Variants in AACS observed in about 807,000 individuals in gnomAD.
AACS encodes the protein acetoacetate-CoA ligase.
In AACS, 69 loss-of-function variants were observed where a neutral mutation model predicts 83.1. The observed-to-expected ratio is 0.83, with a 90% CI of 0.68 to 1.01. The LOEUF (loss-of-function observed/expected upper bound fraction) is 1.01, where lower values mean the gene tolerates loss of function less well. AACS is among the 50% of genes least tolerant of loss of function. AACS has a pLI of 0.00. For synonymous variants in AACS, 333 were observed against 343.4 expected, an observed-to-expected ratio of 0.97 and a Z score of 0.33; for missense variants, 866 against 882.2, an observed-to-expected ratio of 0.98 and a Z score of 0.23.
rs567757296 is a variant in AACS at position 125,132,900 on chromosome 12, C to T, written c.1550-1103C>T. On this transcript the variant is annotated intron_variant, in intron 14 of 17. Coordinates refer to ENST00000316519, the MANE Select transcript of AACS (RefSeq NM_023928.5). ...TTGAGTCATAAGCTGTTTGGGTTAG[C>T]TCTTGCCACAGAGTGGAGAAGTGCT... Among the ~76,000 whole-genome samples the T allele has an allele frequency of 1.2e-4, 19 of 152,282 alleles. 1 individual carries two copies. In the South Asian group the frequency reaches 3.7e-3, roughly 30 times the overall value.
Position 125,091,475 on chromosome 12 carries a change from A to C in AACS, c.522A>C (p.Ala174=), listed in dbSNP as rs1956484334. ...EHAVEAMLAA[A]SIGAIWSSTS... is the part of the protein sequence containing the mutation. The stretch of plus-strand genomic sequence containing the variant: ...CTGTCGAGGCGATGCTGGCTGCGGC[A>C]AGCATTGGTGCCATCTGGAGCTCCA... Residue 174 remains alanine, a synonymous_variant, in exon 5 of 18, where the codon GCA becomes GCC. Coordinates refer to ENST00000316519, the MANE Select transcript of AACS (RefSeq NM_023928.5). 3 of 1,614,124 alleles carry C rather than the reference A, an allele frequency of 1.9e-6. No individual in the cohort carries two copies. In the African/African-American group the frequency reaches 4.0e-5, roughly 22 times the overall value.
At chr12:125,076,649 G>A (rs1956032014) in intron 3 of AACS, 38 bp downstream of exon 3, 1 of 1,612,488 alleles carries the variant, frequency 6.2e-7, no homozygotes, top group African/African-American at 1.3e-5. Context: ...TTCCTCCGTG[G>A]AAGTTCTAGA....
intron 8 of AACS, among the ~76,000 whole-genome samples, chr12:125,110,073 G>A (rs1308827838): frequency 1.3e-5 from 2 of 151,428 alleles, no homozygotes; most frequent in Non-Finnish European, 2.9e-5. Flanking sequence ...GGGCTGGAGT[G>A]CAGTGGCTCA....
In AACS at chr12:125,134,858, T is replaced by C; in HGVS notation, c.1678+6T>C. On this transcript the variant is annotated splice_donor_region_variant and intron_variant, in intron 16 of 17. Coordinates refer to ENST00000316519, the MANE Select transcript of AACS (RefSeq NM_023928.5). ...CTCGGAAATCTATAACATTGGTACG[T>C]GCTTCCCCTCCCTGAGCGTTCTCCA... 6.2e-7 allele frequency: 1 copy of C among 1,614,072 alleles called. No individual in the cohort carries two copies. Among genetic ancestry groups the C allele is most frequent in the Non-Finnish European group, 8.5e-7 (1 of 1,179,984 alleles).
intron 6 of AACS, 74 bp downstream of exon 6, chr12:125,102,867 A>G: frequency 6.7e-7 from 1 of 1,484,202 alleles, no homozygotes; most frequent in Non-Finnish European, 9.4e-7. Context: ...GCCAGGAGTC[A>G]ATCTGGGTAG....
chr12:125,122,122 G>A (rs989908146), intron 10 of AACS: 2 of 152,424 alleles, frequency 1.3e-5, no homozygotes, highest in African/African-American at 4.8e-5. Flanking sequence ...TCAGGCAGAG[G>A]GAACCACGAG....
At chr12:125,070,169 G>C (rs546550613) in intron 1 of AACS, among the ~76,000 whole-genome samples, 1 of 152,260 alleles carries the variant, frequency 6.6e-6, no homozygotes, top group South Asian at 2.1e-4. Context: ...TATAAACTGC[G>C]TGCATTTTAC....
chr12:125,128,179 C>T lies in AACS; in HGVS notation c.1328C>T (p.Ser443Phe), dbSNP rs529796987. The part of the protein sequence containing the change: ...GSISGGTDII[S>F]CFMGHNFSLP... ...CTTGCAGGAGGCACCGACATCATCT[C>T]CTGCTTCATGGGCCACAATTTTTCT... Residue 443 changes from serine (S) to phenylalanine (F), a missense_variant, in exon 13 of 18, where the codon TCC (serine) becomes TTC (phenylalanine). Coordinates refer to ENST00000316519, the MANE Select transcript of AACS (RefSeq NM_023928.5). 5 of 1,611,572 alleles carry T rather than the reference C, an allele frequency of 3.1e-6. No individual in the cohort carries two copies. Among genetic ancestry groups the T allele is most frequent in the Non-Finnish European group, 4.2e-6 (5 of 1,178,244 alleles).
At chr12:125,092,211 T>C (rs2136076830) in intron 5 of AACS, among the ~76,000 whole-genome samples, 1 of 152,342 alleles carries the variant, frequency 6.6e-6, no homozygotes, top group Admixed American at 6.5e-5. Context: ...GTCAGGGACC[T>C]TCAGGAGCCA....
chr12:125,142,157 G>GC lies in AACS; in HGVS notation c.1948dup (p.Gln650ProfsTer19). On this transcript the variant is annotated frameshift_variant, in exon 18 of 18. Coordinates refer to ENST00000316519, the MANE Select transcript of AACS (RefSeq NM_023928.5). LOFTEE classifies it high-confidence loss of function. Reference sequence around the variant, plus strand: ...AGATCATCGCTGGAAAAGCCGTGGAGCAAGGAGGTGCTTTCTCGAACCCCG... The same window carrying GC: ...AGATCATCGCTGGAAAAGCCGTGGAGCCAAGGAGGTGCTTTCTCGAACCCCG... The GC allele has an allele frequency of 6.2e-7, 1 of 1,614,198 alleles. No individual in the cohort carries two copies. The highest frequency in any genetic ancestry group is 8.5e-7 in the Non-Finnish European group (1 of 1,180,042).
At chr12:125,080,924 C>G (rs1956163602) in intron 3 of AACS, among the ~76,000 whole-genome samples, 1 of 152,082 alleles carries the variant, frequency 6.6e-6, no homozygotes, top group Non-Finnish European at 1.5e-5. Flanking sequence ...ATCTCCTGAC[C>G]TCGTGATCCA....
chr12:125,131,125 C>T (rs751219591), intron 14 of AACS, among the ~76,000 whole-genome samples: 1 of 152,042 alleles, frequency 6.6e-6, no homozygotes, highest in East Asian at 1.9e-4. Context: ...GTAAACAGGC[C>T]GTGTGCTGGT....
In AACS at chr12:125,094,611, C is replaced by T. The variant is rs1027947824; in HGVS notation, c.570+3088C>T. Among the ~76,000 whole-genome samples, 2 of 152,150 alleles carry T rather than the reference C, an allele frequency of 1.3e-5. No homozygotes were observed. The highest frequency in any genetic ancestry group is 2.9e-5 in the Non-Finnish European group (2 of 68,026). On this transcript the variant is annotated intron_variant, in intron 5 of 17. Transcript: ENST00000316519. The surrounding 1 kb of genome is among the most constrained non-coding windows in gnomAD (Gnocchi z 4.1). ...TGACACTGGGGGAACGCGTTTCTGG[C>T]CTCCGTCACTCCCCTGTGCTTTACT... is the stretch of plus-strand genomic sequence containing the variant.
intron 5 of AACS, among the ~76,000 whole-genome samples, chr12:125,095,323 A>G (rs1257700986): frequency 6.6e-6 from 1 of 152,192 alleles, no homozygotes; most frequent in Admixed American, 6.5e-5. Flanking sequence ...GCTAGGGGCC[A>G]GACCTCTGAT....
chr12:125,101,790 G>C (rs907164110), intron 5 of AACS: 8 of 91,680 alleles, frequency 8.7e-5, no homozygotes, highest in Non-Finnish European at 1.4e-4. Context: ...TTTTTGAGAT[G>C]GAGTCTCACT....
chr12:125,142,066 C>A, intron 17 of AACS, 26 bp from the exon 18 acceptor site: 1 of 1,613,346 alleles, frequency 6.2e-7, no homozygotes, highest in South Asian at 1.1e-5. Context: ...TTTAAATGTT[C>A]CTGTTTTTCT....
At chr12:125,117,523 A>G (rs6488990) in intron 9 of AACS, 151,685 of 152,418 alleles carry the variant, frequency 1, 75,482 homozygotes, top group East Asian at 1. Flanking sequence ...CCAAAATGCT[A>G]GGATGACAGG....
rs1956622466 is a variant in AACS, at chr12:125,097,012, C to T, written c.570+5489C>T. 6.6e-6 allele frequency among the ~76,000 whole-genome samples: 1 copy of T among 152,058 alleles called. No individual in the cohort carries two copies. Among genetic ancestry groups the T allele is most frequent in the African/African-American group, 2.4e-5 (1 of 41,394 alleles). On this transcript the variant is annotated intron_variant, in intron 5 of 17. Coordinates refer to ENST00000316519, the MANE Select transcript of AACS (RefSeq NM_023928.5). This position sits in a 1 kb window ranked among gnomAD's most constrained non-coding sequence, Gnocchi z 4.3. ...TTCTCAGTCCAGGAGGGTTTGGTGC[C>T]AGGAAGGGCCATTTCTGGGCATTCT... is the stretch of plus-strand genomic sequence containing the variant.
At position 125,140,779 on chromosome 12, in the gene AACS, GAGA is replaced by G. The variant is rs1328293761; in HGVS notation, c.1882-1307_1882-1305del. The G allele has an allele frequency of 6.6e-6, 1 of 152,162 alleles. No homozygotes were observed. The highest frequency in any genetic ancestry group is 1.5e-5 in the Non-Finnish European group (1 of 68,040). 9.4% of individuals were successfully genotyped at this position (152,162 alleles called of 1,614,324 possible). On this transcript the variant is annotated intron_variant, in intron 17 of 17. Coordinates refer to ENST00000316519, the MANE Select transcript of AACS (RefSeq NM_023928.5). This position sits in a 1 kb window ranked among gnomAD's most constrained non-coding sequence, Gnocchi z 5.1. ...GAATGTTTGGAAAGGGCCCGACTGT[GAGA>G]AGAAGTAACACACCGTCCCGTGCAG...
Sources: allele counts gnomAD v4.1 joint callset (sites outside exome capture counted in the v4.1 genomes callset), GRCh38; gene constraint gnomAD v4.1.1; non-coding constraint Gnocchi (gnomAD v3.1); transcripts MANE v1.5; gene names NCBI Gene and HGNC (gene_info 2026-07-23, HGNC 2026-07-21).